CADPS2: variants seen among roughly 807,000 people sequenced by gnomAD.
CADPS2 encodes calcium dependent secretion activator 2.
In CADPS2, 93 loss-of-function variants were observed where a neutral mutation model predicts 172.5. The ratio of observed to expected loss-of-function variants is 0.54; its 90% CI spans 0.46 to 0.64. The LOEUF (loss-of-function observed/expected upper bound fraction) is 0.64, where lower values mean the gene tolerates loss of function less well. CADPS2 is among the 30% of genes least tolerant of loss of function. CADPS2 has a pLI of 0.00. For missense variants in CADPS2, 1,420 were observed against 1,565.9 expected, an observed-to-expected ratio of 0.91 and a Z score of 1.57; for synonymous variants, 546 against 555.2, an observed-to-expected ratio of 0.98 and a Z score of 0.23.
At chr7:122,582,008 A>C (rs528503698) in intron 6 of CADPS2, among the ~76,000 whole-genome samples, 1 of 152,198 alleles carries the variant, frequency 6.6e-6, no homozygotes, top group South Asian at 2.1e-4. Flanking sequence ...TACAAACTTA[A>C]CTGGCACACA....
At chr7:122,560,991 A>G (rs1274300719) in intron 7 of CADPS2, among the ~76,000 whole-genome samples, 2 of 152,164 alleles carry the variant, frequency 1.3e-5, no homozygotes, top group East Asian at 1.9e-4. Flanking sequence ...AGGGAAATCT[A>G]TATTATTCCT....
In CADPS2 at chr7:122,393,600, A is replaced by G. The variant is rs759571097; in HGVS notation, c.2747-18T>C. On this transcript the variant is annotated intron_variant, in intron 20 of 29. Transcript: ENST00000449022. ...CAAAAGTGCTGAAATAGCCAAGCAGAAACAGTGTTTGTCAGAGGGATAATA... is the reference window on the plus strand; with the variant it reads ...CAAAAGTGCTGAAATAGCCAAGCAGGAACAGTGTTTGTCAGAGGGATAATA... 6.2e-7 allele frequency: 1 copy of G among 1,613,604 alleles called. No individual in the cohort carries two copies. The highest frequency in any genetic ancestry group is 1.1e-5 in the South Asian group (1 of 91,034).
At chr7:122,831,239 T>C (rs1239953559) in intron 1 of CADPS2, among the ~76,000 whole-genome samples, 5 of 152,086 alleles carry the variant, frequency 3.3e-5, no homozygotes, top group Admixed American at 3.3e-4. Context: ...CATCACACCA[T>C]CAAGAAAGGT....
chr7:122,750,183 C>T lies in CADPS2; in HGVS notation c.340-13115G>A, dbSNP rs187551404. Reference sequence around the variant, plus strand: ...TACACTGCTGAGTCTCAACAGTATGCCATGGCCCTTCTTTCACATCAGATA... The same window carrying T: ...TACACTGCTGAGTCTCAACAGTATGTCATGGCCCTTCTTTCACATCAGATA... On this transcript the variant is annotated intron_variant, in intron 1 of 29. Transcript: ENST00000449022. 2.6e-5 allele frequency among the ~76,000 whole-genome samples: 4 copies of T among 152,198 alleles called. No homozygotes were observed. The East Asian group carries it at 7.7e-4, about 29-fold the overall frequency.
At chr7:122,702,767 T>C in intron 2 of CADPS2, 1 of 1,548,806 alleles carries the variant, frequency 6.5e-7, no homozygotes, top group Non-Finnish European at 8.7e-7. Flanking sequence ...ATTTGTCTAT[T>C]AAGAGACAAA....
At chr7:122,665,647 A>G in intron 2 of CADPS2, among the ~76,000 whole-genome samples, 1 of 152,242 alleles carries the variant, frequency 6.6e-6, no homozygotes, top group Non-Finnish European at 1.5e-5. Flanking sequence ...GTCAAATATT[A>G]TACTGAGTAT....
At chr7:122,733,016 T>C (rs2091835610) in intron 2 of CADPS2, among the ~76,000 whole-genome samples, 1 of 150,828 alleles carries the variant, frequency 6.6e-6, no homozygotes, top group Non-Finnish European at 1.5e-5. Flanking sequence ...AGATTATTAA[T>C]AGTTGACAAC....
intron 17 of CADPS2, among the ~76,000 whole-genome samples, chr7:122,433,703 G>A (rs547178568): frequency 1.3e-5 from 2 of 152,052 alleles, no homozygotes; most frequent in African/African-American, 2.4e-5. Context: ...GTGACTGGCC[G>A]ATTTTTCTCT....
chr7:122,704,890 C>A (rs976743162), intron 2 of CADPS2, among the ~76,000 whole-genome samples: 21 of 151,938 alleles, frequency 1.4e-4, no homozygotes, highest in African/African-American at 4.6e-4. Context: ...ACCAGCGTTG[C>A]CACTAAAACA....
intron 1 of CADPS2, among the ~76,000 whole-genome samples, chr7:122,882,962 G>A (rs1164238917): frequency 6.6e-6 from 1 of 152,118 alleles, no homozygotes; most frequent in Non-Finnish European, 1.5e-5. Context: ...GTCACAGTGT[G>A]TAGCCCATAT....
At chr7:122,662,052 T>C (rs1471793937) in intron 3 of CADPS2, among the ~76,000 whole-genome samples, 1 of 152,218 alleles carries the variant, frequency 6.6e-6, no homozygotes, top group East Asian at 1.9e-4. Flanking sequence ...TACTATTAAC[T>C]CTATTAATTT....
At chr7:122,363,631 T>A (rs1251492700) in intron 25 of CADPS2, among the ~76,000 whole-genome samples, 1 of 151,900 alleles carries the variant, frequency 6.6e-6, no homozygotes, top group African/African-American at 2.4e-5. Flanking sequence ...TCATTGTACT[T>A]CTCAGTAAAG....
intron 3 of CADPS2, among the ~76,000 whole-genome samples, chr7:122,642,472 TG>T (rs2077769682): frequency 6.6e-6 from 1 of 151,746 alleles, no homozygotes; most frequent in Non-Finnish European, 1.5e-5. Flanking sequence ...TGGAAGCCTG[TG>T]CTGGCAGCCA....
intron 24 of CADPS2, among the ~76,000 whole-genome samples, chr7:122,380,705 T>A (rs929295): frequency 0.24 from 36,384 of 151,970 alleles, 4,876 homozygotes; most frequent in African/African-American, 0.34. Flanking sequence ...TGAATATAAG[T>A]GCATAATGAT....
At chr7:122,460,546 G>A (rs1312576246) in intron 14 of CADPS2, among the ~76,000 whole-genome samples, 1 of 151,914 alleles carries the variant, frequency 6.6e-6, no homozygotes, top group Non-Finnish European at 1.5e-5. Flanking sequence ...AGCATTCAGA[G>A]CCCAGGACTT....
intron 6 of CADPS2, among the ~76,000 whole-genome samples, chr7:122,595,490 C>G (rs1039734133): frequency 6.6e-6 from 1 of 152,128 alleles, no homozygotes; most frequent in African/African-American, 2.4e-5. Flanking sequence ...AATGTCAGTA[C>G]ATACTATTCT....
intron 11 of CADPS2, among the ~76,000 whole-genome samples, chr7:122,489,661 G>A (rs760255771): frequency 8.6e-5 from 13 of 151,964 alleles, no homozygotes; most frequent in African/African-American, 1.2e-4. Context: ...TATCCTTCTG[G>A]GGTATTAAGA....
intron 6 of CADPS2, among the ~76,000 whole-genome samples, chr7:122,601,550 C>T (rs1349678287): frequency 1.3e-5 from 2 of 151,864 alleles, no homozygotes; most frequent in Non-Finnish European, 2.9e-5. Flanking sequence ...CAATGAAGTT[C>T]TGGGAACAAA....
intron 8 of CADPS2, among the ~76,000 whole-genome samples, chr7:122,552,377 T>C (rs2064408850): frequency 6.6e-6 from 1 of 152,144 alleles, no homozygotes; most frequent in Non-Finnish European, 1.5e-5. Flanking sequence ...TTCTGGTCCG[T>C]GTCCTTCAGT....
Sources: allele counts gnomAD v4.1 joint callset (sites outside exome capture counted in the v4.1 genomes callset), GRCh38; gene constraint gnomAD v4.1.1; transcripts MANE v1.5; gene names NCBI Gene and HGNC (gene_info 2026-07-23, HGNC 2026-07-21).